Variants in CHN2 observed in about 807,000 individuals in gnomAD.
CHN2 encodes the protein chimerin 2.
CHN2 carries 35 observed loss-of-function variants against 56.3 expected under a neutral mutation model. The ratio of observed to expected loss-of-function variants is 0.62; its 90% CI spans 0.47 to 0.82. The LOEUF (loss-of-function observed/expected upper bound fraction) is 0.82. CHN2 is among the 40% of genes least tolerant of loss of function. The probability of loss-of-function intolerance (pLI) is 0.00; values close to 1 mark genes in which losing one functional copy is unlikely to be tolerated. For missense variants in CHN2, 491 were observed against 580.5 expected, an observed-to-expected ratio of 0.85 and a Z score of 1.58; for synonymous variants, 210 against 212.8, an observed-to-expected ratio of 0.99 and a Z score of 0.12.
intron 1 of CHN2, among the ~76,000 whole-genome samples, chr7:29,313,640 T>C (rs1794746872): frequency 6.6e-6 from 1 of 152,332 alleles, no homozygotes; most frequent in East Asian, 1.9e-4. Flanking sequence ...AAGCAAAGAT[T>C]AAGCTCCCTA....
intron 6 of CHN2, among the ~76,000 whole-genome samples, chr7:29,453,868 C>T (rs578225660): frequency 6.6e-6 from 1 of 152,248 alleles, no homozygotes; most frequent in East Asian, 1.9e-4. Context: ...CAGCTTTGTA[C>T]CTGCTTTTCT....
At chr7:29,177,857 C>T (rs1274864069) in intron 2 of CHN2, among the ~76,000 whole-genome samples, 1 of 152,122 alleles carries the variant, frequency 6.6e-6, no homozygotes, top group East Asian at 1.9e-4. Flanking sequence ...TCTCTCCAAA[C>T]CTTGCTACTT....
chr7:29,362,554 C>T (rs530679359), intron 2 of CHN2, among the ~76,000 whole-genome samples: 2 of 152,188 alleles, frequency 1.3e-5, no homozygotes, highest in Non-Finnish European at 2.9e-5. Context: ...CCCAGCATGT[C>T]ATTCAAGGTC....
intron 9 of CHN2, among the ~76,000 whole-genome samples, chr7:29,503,491 T>C (rs1790203136): frequency 6.6e-6 from 1 of 152,204 alleles, no homozygotes; most frequent in African/African-American, 2.4e-5. Flanking sequence ...CCCACAGGTT[T>C]CGTCTTGTGT....
At chr7:29,480,827 G>A (rs1036542278) in intron 7 of CHN2, among the ~76,000 whole-genome samples, 1 of 152,234 alleles carries the variant, frequency 6.6e-6, no homozygotes. Context: ...AGACACCTGT[G>A]AAATCAAATA....
chr7:29,183,533 C>T (rs1798331384), intron 2 of CHN2, among the ~76,000 whole-genome samples: 1 of 151,308 alleles, frequency 6.6e-6, no homozygotes, highest in Non-Finnish European at 1.5e-5. Flanking sequence ...TGTGCCACCA[C>T]ACCTGGCTAA....
intron 6 of CHN2, among the ~76,000 whole-genome samples, chr7:29,427,144 T>C (rs972955495): frequency 6.6e-6 from 1 of 152,072 alleles, no homozygotes; most frequent in Non-Finnish European, 1.5e-5. Flanking sequence ...ATGGGGAAGC[T>C]GTTTCTCTAC....
At chr7:29,479,101 C>T (rs1449203746) in intron 6 of CHN2, among the ~76,000 whole-genome samples, 2 of 152,258 alleles carry the variant, frequency 1.3e-5, no homozygotes, top group East Asian at 1.9e-4. Flanking sequence ...TTAATCTTCA[C>T]CAATGAGTCA....
Position 29,316,409 on chromosome 7 carries a change from G to A in CHN2, c.50-38216G>A, listed in dbSNP as rs146613650. ...TTCCCTTCATTAGAGATAAGTATAG[G>A]CACAGAGCAATTTATATGAGTTGAT... On this transcript the variant is annotated intron_variant, in intron 1 of 12. Coordinates refer to ENST00000222792, the MANE Select transcript of CHN2 (RefSeq NM_004067.4). 8.5e-5 allele frequency among the ~76,000 whole-genome samples: 13 copies of A among 152,090 alleles called. No homozygotes were observed. The East Asian group carries it at 2.5e-3, about 29-fold the overall frequency.
intron 6 of CHN2, among the ~76,000 whole-genome samples, chr7:29,444,302 C>A (rs1212442493): frequency 6.6e-6 from 1 of 152,150 alleles, no homozygotes; most frequent in African/African-American, 2.4e-5. Flanking sequence ...TAACAAATTA[C>A]CCCAAAATGT....
At chr7:29,202,521 AAG>A (rs753475465) in intron 1 of CHN2, among the ~76,000 whole-genome samples, 32 of 152,234 alleles carry the variant, frequency 2.1e-4, no homozygotes, top group Non-Finnish European at 4.3e-4. Context: ...ACTGTCAAGA[AAG>A]AGGTGAATGT....
At chr7:29,195,627 AGAGT>A (rs1171842133) in intron 1 of CHN2, among the ~76,000 whole-genome samples, 55 of 116,808 alleles carry the variant, frequency 4.7e-4, no homozygotes, top group East Asian at 4.1e-3. Context: ...AGAGAGAGAG[AGAGT>A]GTGTGTGTGT....
intron 1 of CHN2, among the ~76,000 whole-genome samples, chr7:29,281,871 A>G (rs1314165195): frequency 6.6e-6 from 1 of 152,200 alleles, no homozygotes; most frequent in African/African-American, 2.4e-5. Context: ...GGGCTCCTGT[A>G]ACACATCTCA....
At chr7:29,303,720 T>C (rs1306312115) in intron 1 of CHN2, among the ~76,000 whole-genome samples, 1 of 152,202 alleles carries the variant, frequency 6.6e-6, no homozygotes, top group Non-Finnish European at 1.5e-5. Context: ...CAGAAGATAA[T>C]CCATTTCTTA....
intron 1 of CHN2, among the ~76,000 whole-genome samples, chr7:29,336,419 G>A (rs1434737335): frequency 6.6e-6 from 1 of 152,060 alleles, no homozygotes; most frequent in Non-Finnish European, 1.5e-5. Context: ...AGTGCAGCCT[G>A]AGCAACACAG....
intron 1 of CHN2, among the ~76,000 whole-genome samples, chr7:29,352,597 C>A (rs931698281): frequency 2.0e-5 from 3 of 152,112 alleles, no homozygotes; most frequent in Middle Eastern, 3.4e-3. Flanking sequence ...GTGGCACACG[C>A]CTGTAATCCT....
chr7:29,506,651 G>T (rs1323058514), intron 10 of CHN2, among the ~76,000 whole-genome samples: 14 of 152,086 alleles, frequency 9.2e-5, no homozygotes. Flanking sequence ...ACACAAAAAA[G>T]AATGATAAGA....
intron 1 of CHN2, among the ~76,000 whole-genome samples, chr7:29,196,721 G>A (rs1446883804): frequency 1.3e-5 from 2 of 152,210 alleles, no homozygotes; most frequent in Non-Finnish European, 2.9e-5. Flanking sequence ...AGATCTTGAT[G>A]TAGCTTAAGA....
intron 1 of CHN2, among the ~76,000 whole-genome samples, chr7:29,249,330 A>T (rs963115287): frequency 1.3e-5 from 2 of 152,206 alleles, no homozygotes; most frequent in Non-Finnish European, 2.9e-5. Flanking sequence ...CTTATTGTTC[A>T]AGGACAGGAG....
Sources: allele counts gnomAD v4.1 joint callset (sites outside exome capture counted in the v4.1 genomes callset), GRCh38; gene constraint gnomAD v4.1.1; transcripts MANE v1.5; gene names NCBI Gene and HGNC (gene_info 2026-07-23, HGNC 2026-07-21).